NFIA: variants seen among roughly 807,000 people sequenced by gnomAD.
NFIA encodes the protein nuclear factor I A, also known as nuclear factor 1 A-type.
A neutral mutation model predicts 62.8 loss-of-function variants in NFIA; 8 were observed. That is an observed-to-expected ratio of 0.13 (90% CI 0.07 to 0.23). The LOEUF (loss-of-function observed/expected upper bound fraction) is 0.23. Among genes scored for constraint, NFIA ranks in the 10% least tolerant of loss-of-function variants. The probability of loss-of-function intolerance (pLI) is 1.00; values close to 1 mark genes in which losing one functional copy is unlikely to be tolerated. For synonymous variants in NFIA, 235 were observed against 238.1 expected (o/e 0.99, Z 0.12); for missense variants, 410 against 642.1 (o/e 0.64, Z 3.91).
chr1:61,245,327 A>G (rs1287191261), intron 2 of NFIA, among the ~76,000 whole-genome samples: 2 of 152,172 alleles, frequency 1.3e-5, no homozygotes, highest in Non-Finnish European at 2.9e-5. Flanking sequence ...AAACTTCATT[A>G]TAACATCCCC....
intron 2 of NFIA, among the ~76,000 whole-genome samples, chr1:61,161,204 C>T (rs866016561): frequency 6.6e-6 from 1 of 152,326 alleles, no homozygotes; most frequent in Middle Eastern, 3.4e-3. Flanking sequence ...TGTGCACCAC[C>T]GTGCCTGGCA....
intron 2 of NFIA, among the ~76,000 whole-genome samples, chr1:61,199,546 G>A (rs1358126888): frequency 2.6e-5 from 4 of 152,042 alleles, no homozygotes; most frequent in Admixed American, 6.6e-5. Context: ...ACTCAGATCC[G>A]TTTGACTTGA....
rs112242807 is a variant in NFIA, at chr1:61,422,897, G to C, written c.1421-3568G>C. On this transcript the variant is annotated intron_variant, in intron 9 of 10. Transcript: ENST00000403491. Reference sequence around the variant, plus strand: ...TGTCAAACTATTGTTCATAAAGAGAGAACTGTTCTTGAGCCATTCCCCGAC... The same window carrying C: ...TGTCAAACTATTGTTCATAAAGAGACAACTGTTCTTGAGCCATTCCCCGAC... Among the ~76,000 whole-genome samples the C allele has an allele frequency of 6.7e-3, 1,025 of 152,206 alleles. 11 individuals carry two copies. Among genetic ancestry groups the C allele is most frequent in the African/African-American group, 0.024 (986 of 41,526 alleles).
intron 2 of NFIA, among the ~76,000 whole-genome samples, chr1:61,147,176 C>T (rs928197769): frequency 1.3e-5 from 2 of 150,114 alleles, no homozygotes; most frequent in African/African-American, 4.9e-5. Context: ...TTTGAGATGG[C>T]GTCTTGCTCT....
At chr1:61,173,965 T>C (rs1229502266) in intron 2 of NFIA, among the ~76,000 whole-genome samples, 2 of 152,148 alleles carry the variant, frequency 1.3e-5, no homozygotes, top group Non-Finnish European at 2.9e-5. Flanking sequence ...TAAATAAATA[T>C]TATTCTGTGT....
intron 9 of NFIA, among the ~76,000 whole-genome samples, chr1:61,410,952 G>A (rs1666070760): frequency 6.6e-6 from 1 of 151,842 alleles, no homozygotes; most frequent in African/African-American, 2.4e-5. Context: ...AGGAAAATAT[G>A]CCAAGTGTCT....
chr1:61,316,231 G>A (rs1464610788), intron 3 of NFIA, among the ~76,000 whole-genome samples: 1 of 152,172 alleles, frequency 6.6e-6, no homozygotes, highest in Non-Finnish European at 1.5e-5. Context: ...ACTTGGGTAA[G>A]GGTGAGGAGT....
chr1:61,207,811 T>C (rs572516770), intron 2 of NFIA, among the ~76,000 whole-genome samples: 1 of 152,304 alleles, frequency 6.6e-6, no homozygotes, highest in African/African-American at 2.4e-5. Context: ...AGACAAAAGT[T>C]TTTAAAAGAT....
intron 3 of NFIA, among the ~76,000 whole-genome samples, chr1:61,330,080 G>A (rs114429536): frequency 4.3e-4 from 65 of 152,292 alleles, no homozygotes; most frequent in Non-Finnish European, 7.2e-4. Flanking sequence ...ATTGAAATAT[G>A]GAATTCAAAA....
At chr1:61,145,010 C>T (rs1647823712) in intron 2 of NFIA, among the ~76,000 whole-genome samples, 1 of 152,146 alleles carries the variant, frequency 6.6e-6, no homozygotes, top group Non-Finnish European at 1.5e-5. Context: ...TATGACATTG[C>T]CTTCCCCTTT....
intron 2 of NFIA, among the ~76,000 whole-genome samples, chr1:61,239,683 G>C (rs1255172370): frequency 1.3e-5 from 2 of 152,114 alleles, no homozygotes; most frequent in Non-Finnish European, 1.5e-5. Context: ...GCATCTTATA[G>C]AGGAGCAAAT....
At chr1:61,186,867 T>C (rs963216524) in intron 2 of NFIA, among the ~76,000 whole-genome samples, 1 of 152,218 alleles carries the variant, frequency 6.6e-6, no homozygotes, top group Non-Finnish European at 1.5e-5. Flanking sequence ...AGAGAGGTTA[T>C]GTGGCATGCC....
At chr1:61,251,453 A>G (rs1656033458) in intron 2 of NFIA, 1 of 152,190 alleles carries the variant, frequency 6.6e-6, no homozygotes, top group South Asian at 2.1e-4. Flanking sequence ...TTATTGCTAG[A>G]CATTCAATAA....
chr1:61,226,904 C>T (rs1203586844), intron 2 of NFIA, among the ~76,000 whole-genome samples: 1 of 152,220 alleles, frequency 6.6e-6, no homozygotes, highest in African/African-American at 2.4e-5. Flanking sequence ...CTTTAACCTC[C>T]CGGCTGCTTT....
chr1:61,383,373 G>A lies in NFIA; in HGVS notation c.1075+8G>A, dbSNP rs1274523938. ...TCATTACAGGACCCAGAGGTGAGCTGCTCCACAGGCACCCTTGGTTGTGCT... is the reference window on the plus strand; with the variant it reads ...TCATTACAGGACCCAGAGGTGAGCTACTCCACAGGCACCCTTGGTTGTGCT... On this transcript the variant is annotated splice_region_variant and intron_variant, in intron 7 of 10. Coordinates refer to ENST00000403491, the MANE Select transcript of NFIA (RefSeq NM_001134673.4). 2 of 1,613,762 alleles carry A rather than the reference G, an allele frequency of 1.2e-6. No homozygotes were observed. The highest frequency in any genetic ancestry group is 1.7e-6 in the Non-Finnish European group (2 of 1,179,768).
At chr1:61,249,152 C>T (rs1445330313) in intron 2 of NFIA, 1 of 152,144 alleles carries the variant, frequency 6.6e-6, no homozygotes, top group Non-Finnish European at 1.5e-5. Context: ...ATAATTTCAT[C>T]AGTATCAAGT....
intron 7 of NFIA, among the ~76,000 whole-genome samples, chr1:61,387,099 A>G (rs535671411): frequency 1.2e-4 from 18 of 152,302 alleles, no homozygotes; most frequent in Non-Finnish European, 1.5e-4. Context: ...TAGGATTTCA[A>G]GATATGGATC....
intron 2 of NFIA, among the ~76,000 whole-genome samples, chr1:61,130,043 C>CT (rs1557586077): frequency 6.6e-6 from 1 of 152,050 alleles, no homozygotes; most frequent in Non-Finnish European, 1.5e-5. Context: ...TCTTTGGTTT[C>CT]TTTTTTTCCA....
intron 2 of NFIA, among the ~76,000 whole-genome samples, chr1:61,116,074 G>A (rs1646789183): frequency 1.3e-5 from 2 of 149,294 alleles, no homozygotes; most frequent in African/African-American, 4.9e-5. Flanking sequence ...CCCTGGGAGA[G>A]TTTAAATATG....
Sources: allele counts gnomAD v4.1 joint callset (sites outside exome capture counted in the v4.1 genomes callset), GRCh38; gene constraint gnomAD v4.1.1; transcripts MANE v1.5; gene names NCBI Gene and HGNC (gene_info 2026-07-23, HGNC 2026-07-21).